The following PRKN variants were observed in gnomAD, a reference collection of about 807,000 sequenced individuals.
The protein encoded by PRKN is parkin RBR E3 ubiquitin protein ligase.
In PRKN, 56 loss-of-function variants were observed where a neutral mutation model predicts 59.5. The ratio of observed to expected loss-of-function variants is 0.94; its 90% confidence interval spans 0.76 to 1.18. The LOEUF is 1.18. Among genes scored for constraint, PRKN ranks in the 50% most tolerant of loss-of-function variants. The probability of loss-of-function intolerance (pLI) is 0.00; values close to 1 mark genes in which losing one functional copy is unlikely to be tolerated. For synonymous variants in PRKN, 250 were observed against 222.1 expected (o/e 1.13, Z -1.12); for missense variants, 657 against 596.4 (o/e 1.10, Z -1.06).
chr6:161,968,045 C>T (rs1359208071), intron 6 of PRKN, among the ~76,000 whole-genome samples: 2 of 151,910 alleles, frequency 1.3e-5, no homozygotes, highest in African/African-American at 4.8e-5. Context: ...TTTTGAGACA[C>T]AGTTTCACTC....
intron 1 of PRKN, among the ~76,000 whole-genome samples, chr6:162,603,062 A>G (rs1781772219): frequency 6.6e-6 from 1 of 152,122 alleles, no homozygotes; most frequent in African/African-American, 2.4e-5. Context: ...TAGTTTTCAC[A>G]CAAAACAAAG....
intron 6 of PRKN, among the ~76,000 whole-genome samples, chr6:161,965,886 C>T (rs1015056878): frequency 2.0e-5 from 3 of 151,974 alleles, no homozygotes; most frequent in Non-Finnish European, 2.9e-5. Context: ...ATAATGGCTA[C>T]CCTTAGAGAC....
chr6:161,602,515 T>C (rs1305599656), intron 7 of PRKN, among the ~76,000 whole-genome samples: 4 of 152,186 alleles, frequency 2.6e-5, no homozygotes, highest in Non-Finnish European at 4.4e-5. Flanking sequence ...CTATATTTCC[T>C]TACAAAATGT....
chr6:162,629,347 A>G (rs1218009238), intron 1 of PRKN, among the ~76,000 whole-genome samples: 5 of 152,120 alleles, frequency 3.3e-5, no homozygotes, highest in African/African-American at 1.2e-4. Flanking sequence ...TCCTTTTGCT[A>G]ATTACCTACA....
intron 6 of PRKN, among the ~76,000 whole-genome samples, chr6:161,816,908 C>T (rs1256220900): frequency 6.6e-6 from 1 of 152,110 alleles, no homozygotes; most frequent in Non-Finnish European, 1.5e-5. Flanking sequence ...TGATTCCTGT[C>T]CTCCAAAACG....
At chr6:162,340,970 A>T (rs1784151266) in intron 2 of PRKN, among the ~76,000 whole-genome samples, 1 of 152,212 alleles carries the variant, frequency 6.6e-6, no homozygotes, top group African/African-American at 2.4e-5. Flanking sequence ...CTATCCTCAG[A>T]GTCAACAGGC....
In PRKN at chr6:161,588,788, C is replaced by T. The variant is rs1781610569; in HGVS notation, c.872-19372G>A. Among the ~76,000 whole-genome samples the T allele has an allele frequency of 6.6e-6, 1 of 152,072 alleles. No individual in the cohort carries two copies. The highest frequency in any genetic ancestry group is 1.5e-5 in the Non-Finnish European group (1 of 68,010). ...CCCAAAGTGGCTCTTGAGAGAAGGA[C>T]AGAACTTAATTTTGGCACAAGCCTA... On this transcript the variant is annotated intron_variant, in intron 7 of 11. Transcript: ENST00000366898. This position sits in a 1 kb window ranked among gnomAD's most constrained non-coding sequence, Gnocchi z 5.0.
chr6:161,935,859 T>A (rs1313930063), intron 6 of PRKN, among the ~76,000 whole-genome samples: 1 of 152,166 alleles, frequency 6.6e-6, no homozygotes, highest in Non-Finnish European at 1.5e-5. Context: ...GTACCCTAAC[T>A]GAAGAGGAAC....
chr6:161,961,426 G>T (rs1275938207), intron 6 of PRKN, among the ~76,000 whole-genome samples: 1 of 152,196 alleles, frequency 6.6e-6, no homozygotes, highest in Non-Finnish European at 1.5e-5. Flanking sequence ...ACTGGTGCAT[G>T]CTCTGCTCAA....
chr6:162,725,974 A>G (rs1003007253), intron 1 of PRKN, among the ~76,000 whole-genome samples: 1 of 152,178 alleles, frequency 6.6e-6, no homozygotes, highest in African/African-American at 2.4e-5. Context: ...TAACACTTTT[A>G]AAAACCAACC....
Position 161,943,494 on chromosome 6 carries a change from A to AGT in PRKN, c.734+29807_734+29808insAC, listed in dbSNP as rs1345586912. ...ATATTTTGAAGGAATATAACAGTTT[A>AGT]ATGCTATTTTCACAAATGATTATTT... On this transcript the variant is annotated intron_variant, in intron 6 of 11. Transcript: ENST00000366898. 2.6e-5 allele frequency among the ~76,000 whole-genome samples: 4 copies of AGT among 152,384 alleles called. No homozygotes were observed. In the South Asian group the frequency reaches 8.3e-4, roughly 32 times the overall value.
intron 4 of PRKN, among the ~76,000 whole-genome samples, chr6:162,136,575 A>G (rs1037498616): frequency 6.6e-6 from 1 of 152,210 alleles, no homozygotes; most frequent in Non-Finnish European, 1.5e-5. Flanking sequence ...TCCTAGGCAT[A>G]AGTTGCCTCA....
chr6:162,262,530 C>A lies in PRKN; in HGVS notation c.407G>T (p.Ser136Ile). 1 of 1,614,094 alleles carries A rather than the reference C, an allele frequency of 6.2e-7. No homozygotes were observed. Among genetic ancestry groups the A allele is most frequent in the African/African-American group, 1.3e-5 (1 of 75,022 alleles). Residue 136 changes from serine (S) to isoleucine (I), a missense_variant, in exon 3 of 12, where the codon AGT becomes ATT. Coordinates refer to ENST00000366898, the MANE Select transcript of PRKN (RefSeq NM_004562.3). The stretch of plus-strand genomic sequence containing the variant: ...TCTTAGAGCATTCCAATTACCTGGA[C>A]TTCCAGCTGGTGGTGAGTCCTTCCT... ...DSRKDSPPAG[S>I]PAGRSIYNSF...
At chr6:162,432,256 C>T (rs778300554) in intron 2 of PRKN, among the ~76,000 whole-genome samples, 3 of 152,050 alleles carry the variant, frequency 2.0e-5, no homozygotes, top group Non-Finnish European at 4.4e-5. Context: ...GGCTGGGCGC[C>T]GTGGCTCATG....
At chr6:162,530,540 G>A (rs556930949) in intron 1 of PRKN, among the ~76,000 whole-genome samples, 1 of 152,308 alleles carries the variant, frequency 6.6e-6, no homozygotes, top group Admixed American at 6.5e-5. Flanking sequence ...TCCAGTCTCA[G>A]TTTCCTCGTC....
rs1246238367 is a variant in PRKN at position 161,396,259 on chromosome 6, A to T, written c.1084-9382T>A. ...ATGGCTTACCTTGTTCCCAAAGGCTAAGGTAGGACCTGGTTGCAAGCTGGA... is the reference window on the plus strand; with the variant it reads ...ATGGCTTACCTTGTTCCCAAAGGCTTAGGTAGGACCTGGTTGCAAGCTGGA... On this transcript the variant is annotated intron_variant, in intron 9 of 11. Transcript: ENST00000366898. This position sits in a 1 kb window ranked among gnomAD's most constrained non-coding sequence, Gnocchi z 5.4. Among the ~76,000 whole-genome samples, 1 of 152,182 alleles carries T rather than the reference A, an allele frequency of 6.6e-6. No individual in the cohort carries two copies. The highest frequency in any genetic ancestry group is 1.5e-5 in the Non-Finnish European group (1 of 68,036).
chr6:161,507,202 C>G (rs1778206216), intron 9 of PRKN, among the ~76,000 whole-genome samples: 1 of 152,190 alleles, frequency 6.6e-6, no homozygotes, highest in Non-Finnish European at 1.5e-5. Flanking sequence ...GGAACCCATT[C>G]CAGTAGTGGG....
chr6:161,661,125 C>A (rs1043054143), intron 7 of PRKN, among the ~76,000 whole-genome samples: 2 of 152,208 alleles, frequency 1.3e-5, no homozygotes, highest in East Asian at 1.9e-4. Context: ...CATCTTCACT[C>A]CAGCTACAGA....
chr6:162,440,966 G>GT (rs1790021374), intron 2 of PRKN, among the ~76,000 whole-genome samples: 1 of 151,960 alleles, frequency 6.6e-6, no homozygotes, highest in South Asian at 2.1e-4. Flanking sequence ...AATTACATGT[G>GT]TAACTTCCTA....
Sources: gnomAD v4.1 joint callset for allele counts (sites outside exome capture counted in the v4.1 genomes callset) on GRCh38, gnomAD v4.1.1 for gene constraint, Gnocchi (gnomAD v3.1) non-coding constraint, MANE v1.5 for transcripts, NCBI Gene and HGNC (gene_info 2026-07-23, HGNC 2026-07-21) for gene names.